The following RBFOX1 variants were observed in gnomAD, a reference collection of about 807,000 sequenced individuals.
RBFOX1 encodes RNA binding protein fox-1 homolog 1.
In RBFOX1, 8 loss-of-function variants were observed where a neutral mutation model predicts 57.7. The observed-to-expected ratio is 0.14, with a 90% CI of 0.08 to 0.25. The LOEUF is 0.25. Among genes scored for constraint, RBFOX1 ranks in the 10% least tolerant of loss-of-function variants. The probability of loss-of-function intolerance (pLI) is 1.00; values close to 1 mark genes in which losing one functional copy is unlikely to be tolerated. For synonymous variants in RBFOX1, 326 were observed against 222.4 expected (o/e 1.47, Z -4.15); for missense variants, 611 against 548.5 (o/e 1.11, Z -1.14).
At chr16:7,693,216 G>T in intron 14 of RBFOX1, 1 of 934,276 alleles carries the variant, frequency 1.1e-6, no homozygotes, top group Non-Finnish European at 1.7e-6. Context: ...TTCACACGCA[G>T]CACCCTTCCC....
chr16:5,877,640 G>A (rs1213337263), intron 4 of RBFOX1, among the ~76,000 whole-genome samples: 1 of 152,258 alleles, frequency 6.6e-6, no homozygotes, highest in Non-Finnish European at 1.5e-5. Flanking sequence ...ATCAGTTACA[G>A]TAGCAGCAGA....
intron 2 of RBFOX1, among the ~76,000 whole-genome samples, chr16:5,506,843 C>T (rs979251229): frequency 6.6e-6 from 1 of 152,238 alleles, no homozygotes; most frequent in East Asian, 1.9e-4. Context: ...CTAAACTCTT[C>T]TCCAGCTATA....
chr16:5,524,511 C>T (rs1336053291), intron 2 of RBFOX1, among the ~76,000 whole-genome samples: 3 of 150,444 alleles, frequency 2.0e-5, no homozygotes, highest in African/African-American at 7.3e-5. Context: ...CAGTAGTACC[C>T]AGTAGTGGGA....
At chr16:7,176,794 C>T (rs989641370) in intron 4 of RBFOX1, among the ~76,000 whole-genome samples, 1 of 151,964 alleles carries the variant, frequency 6.6e-6, no homozygotes, top group African/African-American at 2.4e-5. Flanking sequence ...ATGTACTTAC[C>T]TATACACATA....
intron 3 of RBFOX1, among the ~76,000 whole-genome samples, chr16:5,828,765 G>C (rs2056164363): frequency 6.6e-6 from 1 of 152,172 alleles, no homozygotes; most frequent in South Asian, 2.1e-4. Flanking sequence ...AGAGGGTGGA[G>C]TGTGTGGAGT....
chr16:5,303,097 G>C (rs928882554), intron 1 of RBFOX1, among the ~76,000 whole-genome samples: 1 of 152,130 alleles, frequency 6.6e-6, no homozygotes, highest in Non-Finnish European at 1.5e-5. Context: ...GGTTGATAAA[G>C]AAAACTTCAA....
At chr16:5,817,460 G>C (rs1278962135) in intron 3 of RBFOX1, among the ~76,000 whole-genome samples, 1 of 152,144 alleles carries the variant, frequency 6.6e-6, no homozygotes. Context: ...TCTTTTCAAT[G>C]AGTAAGAGAG....
At chr16:7,365,963 A>G (rs914285188) in intron 4 of RBFOX1, among the ~76,000 whole-genome samples, 6 of 152,128 alleles carry the variant, frequency 3.9e-5, no homozygotes, top group African/African-American at 1.2e-4. Flanking sequence ...ATGGCTGCTA[A>G]TAGAAGGTGG....
chr16:5,366,357 G>A, intron 1 of RBFOX1: 1 of 371,424 alleles, frequency 2.7e-6, no homozygotes, highest in South Asian at 2.3e-5. Flanking sequence ...TTTTGATAAT[G>A]AGAAAACTGA....
intron 4 of RBFOX1, among the ~76,000 whole-genome samples, chr16:7,461,232 A>G (rs547002599): frequency 3.3e-5 from 5 of 151,946 alleles, no homozygotes; most frequent in East Asian, 1.9e-4. Context: ...CAGTGGCACT[A>G]TCTCGGCTCA....
At chr16:5,467,868 A>G (rs1348564894) in intron 2 of RBFOX1, among the ~76,000 whole-genome samples, 1 of 152,170 alleles carries the variant, frequency 6.6e-6, no homozygotes, top group Non-Finnish European at 1.5e-5. Context: ...ATTAATACAA[A>G]TGTAAGAATG....
At chr16:7,637,415 T>A (rs1172928789) in intron 11 of RBFOX1, among the ~76,000 whole-genome samples, 2 of 152,182 alleles carry the variant, frequency 1.3e-5, no homozygotes, top group African/African-American at 4.8e-5. Context: ...TCAACTGATA[T>A]ATTGATTGCA....
intron 2 of RBFOX1, among the ~76,000 whole-genome samples, chr16:6,389,668 G>A (rs1374032681): frequency 6.6e-6 from 1 of 152,102 alleles, no homozygotes; most frequent in African/African-American, 2.4e-5. Context: ...GTAAACATGA[G>A]GTAGGTTTTT....
At chr16:7,107,079 T>C (rs2063749578) in intron 4 of RBFOX1, among the ~76,000 whole-genome samples, 1 of 151,986 alleles carries the variant, frequency 6.6e-6, no homozygotes, top group Non-Finnish European at 1.5e-5. Flanking sequence ...TATAAGGAAC[T>C]GATATTTAAG....
chr16:6,175,421 G>T (rs773148695), intron 1 of RBFOX1, among the ~76,000 whole-genome samples: 1 of 152,092 alleles, frequency 6.6e-6, no homozygotes, highest in Non-Finnish European at 1.5e-5. Flanking sequence ...TTCTGCTAGA[G>T]CTCAGAGTAG....
At chr16:5,700,073 C>T (rs2050987857) in intron 3 of RBFOX1, among the ~76,000 whole-genome samples, 1 of 152,166 alleles carries the variant, frequency 6.6e-6, no homozygotes. Context: ...ACCTCATGAT[C>T]TGCCCGCCTT....
chr16:6,041,715 G>A (rs2095438302), intron 1 of RBFOX1, among the ~76,000 whole-genome samples: 1 of 152,062 alleles, frequency 6.6e-6, no homozygotes, highest in South Asian at 2.1e-4. Context: ...TTAGATTCAG[G>A]GGACAAGGTC....
intron 1 of RBFOX1, among the ~76,000 whole-genome samples, chr16:6,263,118 G>A (rs756967007): frequency 2.2e-4 from 33 of 152,280 alleles, no homozygotes; most frequent in Non-Finnish European, 4.7e-4. Context: ...CACAGAGTGC[G>A]CCTGTGGGTT....
chr16:5,514,820 A>G (rs1467016934), intron 2 of RBFOX1, among the ~76,000 whole-genome samples: 1 of 152,164 alleles, frequency 6.6e-6, no homozygotes, highest in Non-Finnish European at 1.5e-5. Context: ...TCTGCCTTCC[A>G]GGAAGCATTT....
Sources: gnomAD v4.1 joint callset for allele counts (sites outside exome capture counted in the v4.1 genomes callset) on GRCh38, gnomAD v4.1.1 for gene constraint, MANE v1.5 for transcripts, NCBI Gene and HGNC (gene_info 2026-07-23, HGNC 2026-07-21) for gene names.